GLUD1: variants seen among roughly 807,000 people sequenced by gnomAD.
GLUD1 encodes glutamate dehydrogenase 1, mitochondrial.
Under a neutral mutation model 56.0 loss-of-function variants are expected in GLUD1, and 22 were observed. The observed-to-expected ratio is 0.39, with a 90% confidence interval of 0.28 to 0.56. The LOEUF (loss-of-function observed/expected upper bound fraction) is 0.56, where lower values mean the gene tolerates loss of function less well. Among genes scored for constraint, GLUD1 ranks in the 20% least tolerant of loss-of-function variants. The pLI is 0.58. For missense variants in GLUD1, 451 were observed against 732.0 expected (o/e 0.62, Z 4.43); for synonymous variants, 223 against 269.9 (o/e 0.83, Z 1.70).
At chr10:87,066,209 G>C (rs537962164) in intron 5 of GLUD1, among the ~76,000 whole-genome samples, 2 of 151,864 alleles carry the variant, frequency 1.3e-5, no homozygotes, top group African/African-American at 4.8e-5. Context: ...GCTTCTCTCC[G>C]GTGCCATTTT....
At position 87,062,845 on chromosome 10, in the gene GLUD1, G is replaced by C. The variant is rs373124424; in HGVS notation, c.742-10C>G. ...CGTGTGCATTAATATCCTGTAAGAG[G>C]GGGTAATTGAAAGAATGAAATGTCA... On this transcript the variant is annotated splice_polypyrimidine_tract_variant and intron_variant, in intron 5 of 12. Transcript: ENST00000277865. 6.2e-7 allele frequency: 1 copy of C among 1,612,338 alleles called. No homozygotes were observed. Among genetic ancestry groups the C allele is most frequent in the South Asian group, 1.1e-5 (1 of 91,000 alleles).
chr10:87,067,654 C>T (rs928206165), intron 5 of GLUD1: 6 of 205,152 alleles, frequency 2.9e-5, no homozygotes, highest in African/African-American at 2.3e-5. Context: ...AAGGTCTAGC[C>T]CAAATATCTC....
At chr10:87,091,401 G>A (rs1011855264) in intron 1 of GLUD1, among the ~76,000 whole-genome samples, 1 of 152,168 alleles carries the variant, frequency 6.6e-6, no homozygotes, top group Admixed American at 6.5e-5. Context: ...ATGAAATACA[G>A]ATAATTTACT....
rs139653057 is a variant in GLUD1 at position 87,068,829 on chromosome 10, C to G, written c.647-672G>C. 1.9e-4 allele frequency among the ~76,000 whole-genome samples: 29 copies of G among 152,024 alleles called. No individual in the cohort carries two copies. In the East Asian group the frequency reaches 4.6e-3, roughly 24 times the overall value. ...TACAGGCAATAACAGGAATCACTGA[C>G]TATACTACTACTGACGGCTACAGTA... On this transcript the variant is annotated intron_variant, in intron 4 of 12. Coordinates refer to ENST00000277865, the MANE Select transcript of GLUD1 (RefSeq NM_005271.5).
At chr10:87,060,327 A>G in intron 8 of GLUD1, 86 bp from the exon 9 acceptor site, 1 of 901,844 alleles carries the variant, frequency 1.1e-6, no homozygotes, top group Non-Finnish European at 1.9e-6. Context: ...ATATATGAAC[A>G]AGGGGCTGTG....
chr10:87,094,641 C>G lies in GLUD1; in HGVS notation c.129G>C (p.Pro43=), dbSNP rs140734189. The part of the protein sequence containing the change: ...ARGQPAAAPQ[P]GLALAARRHY... ...GGCGCCGGGCGGCCAATGCCAGCCC[C>G]GGCTGCGGGGCGGCGGCGGGCTGTC... Residue 43 remains proline (P), a synonymous_variant, in exon 1 of 13, where the codon CCG becomes CCC. Transcript: ENST00000277865. The surrounding 1 kb of genome is among the most constrained non-coding windows in gnomAD (Gnocchi z 6.6). 44 of 1,605,740 alleles carry G rather than the reference C, an allele frequency of 2.7e-5. No homozygotes were observed. Among genetic ancestry groups the G allele is most frequent in the Non-Finnish European group, 3.4e-5 (40 of 1,177,202 alleles).
intron 10 of GLUD1, among the ~76,000 whole-genome samples, chr10:87,058,303 T>G (rs1330371693): frequency 2.6e-5 from 4 of 151,896 alleles, no homozygotes; most frequent in African/African-American, 9.7e-5. Context: ...ATTACCAGGG[T>G]TTTTCCTTGG....
intron 4 of GLUD1, among the ~76,000 whole-genome samples, chr10:87,071,128 C>CAAAACA (rs374633162): frequency 0.044 from 6,593 of 151,238 alleles, 369 homozygotes; most frequent in Admixed American, 0.12. Flanking sequence ...GACTCTGTCT[C>CAAAACA]AAAACAAAAA....
chr10:87,065,436 A>G (rs1248874032), intron 5 of GLUD1, among the ~76,000 whole-genome samples: 1 of 152,148 alleles, frequency 6.6e-6, no homozygotes, highest in Admixed American at 6.5e-5. Flanking sequence ...GCAAGACACT[A>G]TATTGAATAG....
At chr10:87,068,254 C>A in intron 4 of GLUD1, 97 bp from the exon 5 acceptor site, 1 of 754,000 alleles carries the variant, frequency 1.3e-6, no homozygotes, top group South Asian at 1.5e-5. Flanking sequence ...ACCAAGTTAC[C>A]ATGGCTAGAA....
chr10:87,091,704 T>TA lies in GLUD1; in HGVS notation c.445+2620dup, dbSNP rs1232089874. 6 of 248,344 alleles carry TA rather than the reference T, an allele frequency of 2.4e-5. No individual in the cohort carries two copies. The Admixed American group carries it at 3.9e-4, about 16-fold the overall frequency. The allele number at this position is 248,344 out of a possible 1,614,324, so 15.4% of individuals were successfully genotyped here. On this transcript the variant is annotated intron_variant, in intron 1 of 12. Transcript: ENST00000277865. ...AGTACACATCAGCCACCAAGTCTTA[T>TA]AACCATCTGTTTCCCTTAGAGATTA...
chr10:87,071,180 CTT>C (rs1187884358), intron 4 of GLUD1, among the ~76,000 whole-genome samples: 2 of 151,804 alleles, frequency 1.3e-5, no homozygotes, highest in East Asian at 3.9e-4. Context: ...CAGATATATT[CTT>C]TTTGTTTTTT....
At chr10:87,063,081 G>A (rs1024516730) in intron 5 of GLUD1, among the ~76,000 whole-genome samples, 13 of 139,222 alleles carry the variant, frequency 9.3e-5, no homozygotes, top group African/African-American at 3.1e-4. Flanking sequence ...TTGTTTGTTT[G>A]TTTGTTTTTG....
rs773923796 is a variant in GLUD1, at chr10:87,076,539, G to C, written c.526+37C>G. 4 of 1,166,160 alleles carry C rather than the reference G, an allele frequency of 3.4e-6. No individual in the cohort carries two copies. In the Admixed American group the frequency reaches 6.7e-5, roughly 20 times the overall value. The allele number at this position is 1,166,160 out of a possible 1,614,324, so 72.2% of individuals were successfully genotyped here. A position where few individuals can be genotyped will look rare whatever the true frequency, so the allele number is the denominator to read the frequency against. On this transcript the variant is annotated intron_variant, in intron 2 of 12. Coordinates refer to ENST00000277865, the MANE Select transcript of GLUD1 (RefSeq NM_005271.5). The stretch of plus-strand genomic sequence containing the variant: ...ACATGTGTGTAAACATATTTCCCCA[G>C]AGTTCTCATTAGGCAGCAAGAAAGG...
At chr10:87,081,928 A>C (rs1841266185) in intron 1 of GLUD1, among the ~76,000 whole-genome samples, 1 of 127,514 alleles carries the variant, frequency 7.8e-6, no homozygotes, top group Non-Finnish European at 1.6e-5. Context: ...TGTGAGAAAC[A>C]CCCAAGAATG....
Position 87,094,619 on chromosome 10 carries a change from G to C in GLUD1, c.151C>G (p.Arg51Gly), listed in dbSNP as rs1424116027. 1.2e-6 allele frequency: 2 copies of C among 1,609,976 alleles called. No homozygotes were observed. Among genetic ancestry groups the C allele is most frequent in the African/African-American group, 2.7e-5 (2 of 74,760 alleles). Residue 51 changes from arginine (R) to glycine (G), a missense_variant, in exon 1 of 13, where the codon CGC (arginine) becomes GGC (glycine). Arg to Gly is a moderately radical substitution (Grantham distance 125). Transcript: ENST00000277865. This position sits in a 1 kb window ranked among gnomAD's most constrained non-coding sequence, Gnocchi z 6.6. ...PQPGLALAAR[R>G]HYSEAVADRE... is the part of the protein sequence containing the mutation. ...TCGGCCACCGCCTCGCTGTAGTGGC[G>C]CCGGGCGGCCAATGCCAGCCCCGGC... is the stretch of plus-strand genomic sequence containing the variant.
chr10:87,094,672 G>A lies in GLUD1; in HGVS notation c.98C>T (p.Ala33Val), dbSNP rs1045137232. The A allele has an allele frequency of 4.5e-6, 7 of 1,551,378 alleles. No individual in the cohort carries two copies. In the African/African-American group the frequency reaches 9.7e-5, roughly 21 times the overall value. ...SADSAALLGW[A>V]RGQPAAAPQP... ...CGGGGCGGCGGCGGGCTGTCCCCGGGCCCAGCCCAGCAACGCGGCCGAGTC... is the reference window on the plus strand; with the variant it reads ...CGGGGCGGCGGCGGGCTGTCCCCGGACCCAGCCCAGCAACGCGGCCGAGTC... The change falls in exon 1 of 13, where the codon GCC (alanine) becomes GTC (valine). Residue 33 changes from alanine (A) to valine (V), a missense_variant. By Grantham distance (64) the Ala-to-Val change is moderately conservative. Coordinates refer to ENST00000277865, the MANE Select transcript of GLUD1 (RefSeq NM_005271.5). This position sits in a 1 kb window ranked among gnomAD's most constrained non-coding sequence, Gnocchi z 6.6.
In GLUD1 at chr10:87,057,711, C is replaced by G; in HGVS notation, c.1474G>C (p.Glu492Gln). The change falls in exon 11 of 13, where the codon GAG (glutamate) becomes CAG (glutamine). Residue 492 changes from glutamate to glutamine, a missense_variant. Glu to Gln is a conservative substitution (Grantham distance 29). Coordinates refer to ENST00000277865, the MANE Select transcript of GLUD1 (RefSeq NM_005271.5). ...CTCACCGATATCCTGTCTTGGAACT[C>G]TGCCGTGGGTACAATGGGAATAGTT... is the stretch of plus-strand genomic sequence containing the variant. ...GGTIPIVPTA[E>Q]FQDRISGASE... 1 of 1,586,738 alleles carries G rather than the reference C, an allele frequency of 6.3e-7. No individual in the cohort carries two copies. The highest frequency in any genetic ancestry group is 1.3e-5 in the African/African-American group (1 of 74,484).
chr10:87,077,757 GCA>G (rs751283433), intron 1 of GLUD1, among the ~76,000 whole-genome samples: 6 of 151,974 alleles, frequency 3.9e-5, no homozygotes, highest in Non-Finnish European at 7.4e-5. Flanking sequence ...ATGTTTGACT[GCA>G]CAGTGCTTGG....
Sources: gnomAD v4.1 joint callset for allele counts (sites outside exome capture counted in the v4.1 genomes callset) on GRCh38, gnomAD v4.1.1 for gene constraint, Gnocchi (gnomAD v3.1) non-coding constraint, MANE v1.5 for transcripts, NCBI Gene and HGNC (gene_info 2026-07-23, HGNC 2026-07-21) for gene names.